Variants in PDE10A observed in about 807,000 individuals in gnomAD.
The protein encoded by PDE10A is phosphodiesterase 10A.
In PDE10A, 39 loss-of-function variants were observed where a neutral mutation model predicts 97.7. That is an observed-to-expected ratio of 0.40 (90% CI 0.31 to 0.52). The LOEUF (loss-of-function observed/expected upper bound fraction) is 0.52, where lower values mean the gene tolerates loss of function less well. Ranked by LOEUF, PDE10A falls within the 20% of genes least tolerant of loss-of-function variation. The pLI, the probability that PDE10A is intolerant of heterozygous loss-of-function variation, is 0.56. For missense variants in PDE10A, 731 were observed against 1,047.8 expected (o/e 0.70, Z 4.17); for synonymous variants, 371 against 376.8 (o/e 0.98, Z 0.18).
intron 1 of PDE10A, among the ~76,000 whole-genome samples, chr6:165,921,418 C>T (rs2128488444): frequency 6.6e-6 from 1 of 152,322 alleles, no homozygotes; most frequent in Non-Finnish European, 1.5e-5. Flanking sequence ...GTGGAACTTA[C>T]TTTCTAGAGG....
intron 1 of PDE10A, among the ~76,000 whole-genome samples, chr6:165,549,465 C>CA (rs1049162924): frequency 6.6e-6 from 1 of 152,088 alleles, no homozygotes; most frequent in African/African-American, 2.4e-5. Flanking sequence ...GCTGGGACTA[C>CA]AGGTACCTGC....
intron 13 of PDE10A, among the ~76,000 whole-genome samples, chr6:165,412,377 TAA>T (rs1029500725): frequency 1.3e-5 from 2 of 152,190 alleles, no homozygotes; most frequent in African/African-American, 4.8e-5. Flanking sequence ...TTAAAAATGA[TAA>T]AACAGTCAAT....
At chr6:165,653,157 A>G (rs1047831827) in intron 1 of PDE10A, among the ~76,000 whole-genome samples, 7 of 152,384 alleles carry the variant, frequency 4.6e-5, no homozygotes, top group African/African-American at 1.7e-4. Context: ...AGGAAAATTA[A>G]TATTTTAAAG....
At chr6:165,759,200 G>A (rs189102660) in intron 1 of PDE10A, among the ~76,000 whole-genome samples, 177 of 152,290 alleles carry the variant, frequency 1.2e-3, no homozygotes, top group African/African-American at 4.0e-3. Flanking sequence ...TAAAAAGATG[G>A]TACACAGGAT....
chr6:165,746,354 G>T (rs1792842932), intron 1 of PDE10A, among the ~76,000 whole-genome samples: 1 of 152,184 alleles, frequency 6.6e-6, no homozygotes, highest in African/African-American at 2.4e-5. Flanking sequence ...TTCTATCAAA[G>T]ATTATTTTGT....
At chr6:165,931,000 C>T (rs756649280) in intron 1 of PDE10A, among the ~76,000 whole-genome samples, 1 of 152,222 alleles carries the variant, frequency 6.6e-6, no homozygotes, top group East Asian at 1.9e-4. Flanking sequence ...GGAGCATTGA[C>T]GATGCCTGTT....
chr6:165,737,271 C>T (rs1407963779), intron 1 of PDE10A, among the ~76,000 whole-genome samples: 1 of 152,174 alleles, frequency 6.6e-6, no homozygotes, highest in African/African-American at 2.4e-5. Flanking sequence ...GATGAAGGAA[C>T]ACTTCCAAAC....
At chr6:165,976,500 T>C (rs1011854857) in intron 1 of PDE10A, among the ~76,000 whole-genome samples, 5 of 152,162 alleles carry the variant, frequency 3.3e-5, no homozygotes, top group African/African-American at 1.2e-4. Flanking sequence ...TGATTTGCCT[T>C]GAATCGCAAC....
intron 1 of PDE10A, among the ~76,000 whole-genome samples, chr6:165,553,726 TA>T (rs1784123406): frequency 6.6e-6 from 1 of 152,236 alleles, no homozygotes. Flanking sequence ...GCTGTATTTC[TA>T]AACCAAAGTG....
At chr6:165,712,268 C>A (rs896420442) in intron 1 of PDE10A, among the ~76,000 whole-genome samples, 3 of 152,128 alleles carry the variant, frequency 2.0e-5, no homozygotes, top group African/African-American at 4.8e-5. Context: ...CTTGAAGGAC[C>A]GTTTCATGAA....
intron 5 of PDE10A, among the ~76,000 whole-genome samples, chr6:165,446,949 CTAAAGTAAAAG>C: frequency 6.6e-6 from 1 of 151,948 alleles, no homozygotes; most frequent in African/African-American, 2.4e-5. Context: ...CTTTAAGTTA[CTAAAGTAAAAG>C]ATAAGTAAAG....
chr6:165,463,140 C>T (rs1055666890), intron 3 of PDE10A, among the ~76,000 whole-genome samples: 5 of 152,206 alleles, frequency 3.3e-5, no homozygotes, highest in African/African-American at 1.2e-4. Flanking sequence ...CACAGCCACA[C>T]TACGTTCAGC....
chr6:165,681,394 A>ATGTGTG (rs145137771), intron 1 of PDE10A, among the ~76,000 whole-genome samples: 2,135 of 150,508 alleles, frequency 0.014, 53 homozygotes, highest in African/African-American at 0.05. Context: ...TCTTGGGAAA[A>ATGTGTG]TGTGTGTGTG....
chr6:165,869,353 G>A (rs199732992), intron 1 of PDE10A, among the ~76,000 whole-genome samples: 4 of 149,890 alleles, frequency 2.7e-5, no homozygotes, highest in Non-Finnish European at 3.0e-5. Flanking sequence ...TACTACAAAA[G>A]AAAAAAAAAA....
chr6:165,965,083 G>A (rs1482853819), intron 1 of PDE10A, among the ~76,000 whole-genome samples: 1 of 152,214 alleles, frequency 6.6e-6, no homozygotes, highest in Non-Finnish European at 1.5e-5. Flanking sequence ...GCACAGTGCA[G>A]ATGTGATATA....
intron 1 of PDE10A, among the ~76,000 whole-genome samples, chr6:165,621,078 A>G (rs1583661920): frequency 1.3e-5 from 2 of 151,940 alleles, no homozygotes; most frequent in Non-Finnish European, 2.9e-5. Flanking sequence ...TGCTCACACT[A>G]TTAGTCTTTA....
chr6:165,619,354 G>GTAGTGTAGTC (rs1787933188), intron 1 of PDE10A, among the ~76,000 whole-genome samples: 1 of 145,696 alleles, frequency 6.9e-6, no homozygotes, highest in Non-Finnish European at 1.5e-5. Flanking sequence ...CTAGTGTAGT[G>GTAGTGTAGTC]TAGTCTAGTG....
At chr6:165,524,159 C>G (rs1184459487) in intron 2 of PDE10A, among the ~76,000 whole-genome samples, 1 of 152,124 alleles carries the variant, frequency 6.6e-6, no homozygotes, top group Non-Finnish European at 1.5e-5. Context: ...TATTGTTGGA[C>G]CTTGTGATCG....
intron 1 of PDE10A, among the ~76,000 whole-genome samples, chr6:165,974,246 C>T (rs538112107): frequency 3.3e-5 from 5 of 152,282 alleles, no homozygotes; most frequent in South Asian, 2.1e-4. Context: ...TGGTCATGGG[C>T]CTTCTACACA....
Sources: allele counts gnomAD v4.1 joint callset (sites outside exome capture counted in the v4.1 genomes callset), GRCh38; gene constraint gnomAD v4.1.1; transcripts MANE v1.5; gene names NCBI Gene and HGNC (gene_info 2026-07-23, HGNC 2026-07-21).